SUGP1: variants seen among roughly 807,000 people sequenced by gnomAD.
SUGP1 encodes the protein SURP and G-patch domain containing 1.
SUGP1 carries 34 observed loss-of-function variants against 76.5 expected under a neutral mutation model. The observed-to-expected ratio is 0.44, with a 90% CI of 0.34 to 0.59. The LOEUF is 0.59. Ranked by LOEUF, SUGP1 falls within the 20% of genes least tolerant of loss-of-function variation. The pLI, the probability that SUGP1 is intolerant of heterozygous loss-of-function variation, is 0.01. For missense variants in SUGP1, 752 were observed against 851.7 expected, an observed-to-expected ratio of 0.88 and a Z score of 1.46; for synonymous variants, 326 against 326.2, an observed-to-expected ratio of 1.00 and a Z score of 0.01.
rs894123210 is a variant in SUGP1 at position 19,302,137 on chromosome 19, C to G, written c.887+128G>C. 3 of 1,444,344 alleles carry G rather than the reference C, an allele frequency of 2.1e-6. No homozygotes were observed. The African/African-American group carries it at 4.2e-5, about 20-fold the overall frequency. 89.5% of individuals were successfully genotyped at this position (1,444,344 alleles called of 1,614,324 possible). On this transcript the variant is annotated intron_variant, in intron 7 of 13. Coordinates refer to ENST00000247001, the MANE Select transcript of SUGP1 (RefSeq NM_172231.4). ...CAGAGCTGGGCTCTGGGGTCAGAGA[C>G]TCTTGGACCTGCCAGCTTCTCACAG...
intron 8 of SUGP1, 59 bp from the exon 9 acceptor site, chr19:19,280,350 T>G (rs1317884684): frequency 6.8e-7 from 1 of 1,460,958 alleles, no homozygotes; most frequent in African/African-American, 1.4e-5. Flanking sequence ...ATCTCGCTCC[T>G]GCGCTGGGGT....
At chr19:19,285,719 C>T (rs908992205) in intron 8 of SUGP1, among the ~76,000 whole-genome samples, 9 of 152,042 alleles carry the variant, frequency 5.9e-5, no homozygotes, top group African/African-American at 2.2e-4. Flanking sequence ...GTGAACACCA[C>T]CACACCCGGC....
chr19:19,286,626 T>C (rs1011947845), intron 8 of SUGP1, among the ~76,000 whole-genome samples: 5 of 152,182 alleles, frequency 3.3e-5, no homozygotes, highest in Non-Finnish European at 7.3e-5. Flanking sequence ...CTCATGTCTG[T>C]GGTCCCAACT....
chr19:19,317,753 C>T (rs576498923), intron 1 of SUGP1, among the ~76,000 whole-genome samples: 3 of 151,188 alleles, frequency 2.0e-5, no homozygotes, highest in African/African-American at 4.9e-5. Flanking sequence ...ATTCTTTCCA[C>T]CTTGGCCTCC....
At chr19:19,290,848 G>C (rs1182179051) in intron 8 of SUGP1, among the ~76,000 whole-genome samples, 1 of 152,066 alleles carries the variant, frequency 6.6e-6, no homozygotes, top group Non-Finnish European at 1.5e-5. Context: ...GCTGGGTGTG[G>C]TGGCTCACGC....
Position 19,316,595 on chromosome 19 carries a change from T to TG in SUGP1, c.35-3dup, listed in dbSNP as rs998188973. The TG allele has an allele frequency of 6.2e-7, 1 of 1,613,676 alleles. No homozygotes were observed. Among genetic ancestry groups the TG allele is most frequent in the African/African-American group, 1.3e-5 (1 of 74,876 alleles). On this transcript the variant is annotated splice_region_variant and splice_polypyrimidine_tract_variant and intron_variant, in intron 1 of 13. Transcript: ENST00000247001. ...CCCCAAACCACCGGTTAGCCTTTCCTGGGGAGGGAAAAGGAGTACGTCGGA... is the reference window on the plus strand; with the variant it reads ...CCCCAAACCACCGGTTAGCCTTTCCTGGGGGAGGGAAAAGGAGTACGTCGGA...
At chr19:19,316,372 C>A in intron 2 of SUGP1, 50 bp downstream of exon 2, 1 of 1,604,388 alleles carries the variant, frequency 6.2e-7, no homozygotes, top group Non-Finnish European at 8.5e-7. Flanking sequence ...GTGCTGGTGA[C>A]CCTCAAAGAC....
intron 4 of SUGP1, among the ~76,000 whole-genome samples, chr19:19,305,127 C>G (rs1222526027): frequency 6.6e-6 from 1 of 152,196 alleles, no homozygotes; most frequent in African/African-American, 2.4e-5. Context: ...GGCCTCTGAT[C>G]CGCTCGGACA....
At chr19:19,289,420 G>A (rs2146600592) in intron 8 of SUGP1, among the ~76,000 whole-genome samples, 1 of 151,870 alleles carries the variant, frequency 6.6e-6, no homozygotes, top group Admixed American at 6.6e-5. Flanking sequence ...TAGCCTGCAT[G>A]GTGAAATCCC....
chr19:19,302,174 C>T (rs2061276814), intron 7 of SUGP1, 91 bp downstream of exon 7: 1 of 1,547,370 alleles, frequency 6.5e-7, no homozygotes, highest in Non-Finnish European at 8.7e-7. Context: ...GGGACCCCAG[C>T]AGGTGGCTGG....
rs765097277 is a variant in SUGP1 at position 19,303,350 on chromosome 19, T to G, written c.761A>C (p.Lys254Thr). ...EAQKSQAASQ[K>T]VSPPEDEEVK... is the part of the protein sequence containing the mutation. ...TCCCACCCGCTCCGTCCACCTACCTTTCTGAGAGGCTGCCTGCGACTTCTG... is the reference window on the plus strand; with the variant it reads ...TCCCACCCGCTCCGTCCACCTACCTGTCTGAGAGGCTGCCTGCGACTTCTG... The change falls in exon 6 of 14, where the codon AAA becomes ACA. Residue 254 changes from lysine (K) to threonine (T), a missense_variant and splice_region_variant. Around this residue, in one of 2 missense-constraint regions of SUGP1, gnomAD observed 620 missense variants for 617.3 expected, o/e 1.00. Coordinates refer to ENST00000247001, the MANE Select transcript of SUGP1 (RefSeq NM_172231.4). The G allele has an allele frequency of 6.2e-7, 1 of 1,613,950 alleles. No homozygotes were observed. Among genetic ancestry groups the G allele is most frequent in the South Asian group, 1.1e-5 (1 of 91,070 alleles).
chr19:19,310,281 G>T, intron 2 of SUGP1, 81 bp from the exon 3 acceptor site: 1 of 1,073,064 alleles, frequency 9.3e-7, no homozygotes, highest in Non-Finnish European at 1.4e-6. Flanking sequence ...TGAGGATGAG[G>T]CCATCACCTC....
At chr19:19,296,953 C>T (rs2061230490) in intron 8 of SUGP1, 36 bp downstream of exon 8, 1 of 1,503,674 alleles carries the variant, frequency 6.7e-7, no homozygotes, top group South Asian at 1.3e-5. Context: ...GAAGTCAGAC[C>T]CTTCCAACAC....
At chr19:19,297,523 T>C (rs1053021985) in intron 7 of SUGP1, among the ~76,000 whole-genome samples, 179 bp from the exon 8 acceptor site, 2 of 151,990 alleles carry the variant, frequency 1.3e-5, no homozygotes, top group African/African-American at 4.8e-5. Context: ...CAGTGACTGC[T>C]GGTTCTGGTG....
At chr19:19,305,525 T>G in intron 4 of SUGP1, 2 of 237,576 alleles carry the variant, frequency 8.4e-6, no homozygotes, top group Non-Finnish European at 1.7e-5. Flanking sequence ...CTAGAAGGGA[T>G]GTGAGGATGC....
At position 19,308,463 on chromosome 19, in the gene SUGP1, G is replaced by A. The variant is rs149827889; in HGVS notation, c.310+1634C>T. On this transcript the variant is annotated intron_variant, in intron 3 of 13. Transcript: ENST00000247001. Reference sequence around the variant, plus strand: ...GAGCACAGACGTGGTCTGCTTGCACGGAGCAAGGGACATGGCAGGCACTGA... The same window carrying A: ...GAGCACAGACGTGGTCTGCTTGCACAGAGCAAGGGACATGGCAGGCACTGA... Among the ~76,000 whole-genome samples, 835 of 152,364 alleles carry A rather than the reference G, an allele frequency of 5.5e-3. 3 individuals carry two copies. Among genetic ancestry groups the A allele is most frequent in the African/African-American group, 0.019 (800 of 41,582 alleles).
chr19:19,296,416 A>T (rs2061225698), intron 8 of SUGP1, among the ~76,000 whole-genome samples: 1 of 152,018 alleles, frequency 6.6e-6, no homozygotes, highest in African/African-American at 2.4e-5. Context: ...GGGAGGCCGA[A>T]GCGGGAGATC....
intron 8 of SUGP1, 105 bp from the exon 9 acceptor site, chr19:19,280,396 C>A (rs986059647): frequency 4.9e-5 from 48 of 982,608 alleles, no homozygotes; most frequent in Non-Finnish European, 7.4e-5. Flanking sequence ...ACACTCCAGG[C>A]ACACGGGGAC....
Position 19,279,199 on chromosome 19 carries a change from G to A in SUGP1, c.1528+14C>T, listed in dbSNP as rs560357783. The A allele has an allele frequency of 2.4e-5, 21 of 867,588 alleles. No homozygotes were observed. Among genetic ancestry groups the A allele is most frequent in the East Asian group, 3.7e-5 (1 of 26,766 alleles). 53.7% of individuals were successfully genotyped at this position (867,588 alleles called of 1,614,324 possible). A position where few individuals can be genotyped will look rare whatever the true frequency, so the allele number is the denominator to read the frequency against. ...TGCCCAGCCCAGCCCGGCCCACCCC[G>A]CTGCCCCACATACCCCTGGTCTTAT... On this transcript the variant is annotated intron_variant, in intron 10 of 13. Transcript: ENST00000247001.
Sources: allele counts gnomAD v4.1 joint callset (sites outside exome capture counted in the v4.1 genomes callset), GRCh38; gene constraint gnomAD v4.1.1; regional missense constraint gnomAD v4.1.1; transcripts MANE v1.5; gene names NCBI Gene and HGNC (gene_info 2026-07-23, HGNC 2026-07-21).